Variants in FHOD3 observed in about 807,000 individuals in gnomAD.
FHOD3 encodes the protein FH1/FH2 domain-containing protein 3.
Under a neutral mutation model 173.0 loss-of-function variants are expected in FHOD3, and 90 were observed. The observed-to-expected ratio is 0.52, with a 90% CI of 0.44 to 0.62. The LOEUF is 0.62. FHOD3 is among the 20% of genes least tolerant of loss of function. The pLI, the probability that FHOD3 is intolerant of heterozygous loss-of-function variation, is 0.00. For synonymous variants in FHOD3, 828 were observed against 823.0 expected, an observed-to-expected ratio of 1.01 and a Z score of -0.10; for missense variants, 1,945 against 2,034.7, an observed-to-expected ratio of 0.96 and a Z score of 0.85.
At chr18:36,434,001 C>T (rs1426428262) in intron 3 of FHOD3, among the ~76,000 whole-genome samples, 2 of 152,178 alleles carry the variant, frequency 1.3e-5, no homozygotes, top group Non-Finnish European at 2.9e-5. Context: ...TCACTCTAGG[C>T]CCTCTCCGCT....
chr18:36,447,274 C>G (rs1395223718), intron 3 of FHOD3, among the ~76,000 whole-genome samples: 2 of 152,100 alleles, frequency 1.3e-5, no homozygotes, highest in Non-Finnish European at 2.9e-5. Flanking sequence ...ACCACATTAA[C>G]TCTGTAGGTC....
At chr18:36,514,403 C>A (rs756708016) in intron 5 of FHOD3, among the ~76,000 whole-genome samples, 1 of 152,106 alleles carries the variant, frequency 6.6e-6, no homozygotes, top group South Asian at 2.1e-4. Context: ...TGAGTGCAGG[C>A]CTGGATTCTC....
intron 4 of FHOD3, among the ~76,000 whole-genome samples, chr18:36,505,823 T>C (rs1268712290): frequency 2.0e-5 from 3 of 152,180 alleles, no homozygotes; most frequent in Non-Finnish European, 1.5e-5. Flanking sequence ...ACAGCTCCTA[T>C]GGGAAATACG....
intron 5 of FHOD3, among the ~76,000 whole-genome samples, chr18:36,563,307 C>T (rs1174638292): frequency 6.6e-6 from 1 of 152,174 alleles, no homozygotes; most frequent in Non-Finnish European, 1.5e-5. Flanking sequence ...TGTCTGAAAC[C>T]TCAGACTGCA....
At chr18:36,614,332 T>C (rs777774006) in intron 9 of FHOD3, among the ~76,000 whole-genome samples, 1 of 152,256 alleles carries the variant, frequency 6.6e-6, no homozygotes, top group African/African-American at 2.4e-5. Flanking sequence ...ATCACTACTT[T>C]GTTCATAGTT....
chr18:36,446,475 G>A (rs2051483860), intron 3 of FHOD3, among the ~76,000 whole-genome samples: 1 of 152,024 alleles, frequency 6.6e-6, no homozygotes, highest in South Asian at 2.1e-4. Flanking sequence ...TCCCAGAGAG[G>A]TCAGGCCTAA....
chr18:36,410,650 T>C (rs2049311131), intron 3 of FHOD3, among the ~76,000 whole-genome samples: 1 of 152,212 alleles, frequency 6.6e-6, no homozygotes, highest in African/African-American at 2.4e-5. Flanking sequence ...TTCTTACCAA[T>C]GTGGTAAGAA....
chr18:36,398,988 GA>G (rs1202042615), intron 3 of FHOD3, among the ~76,000 whole-genome samples: 1 of 152,118 alleles, frequency 6.6e-6, no homozygotes, highest in Non-Finnish European at 1.5e-5. Flanking sequence ...ATTCTTCTGG[GA>G]GACAGTGTGA....
At chr18:36,530,025 G>C (rs1309213301) in intron 5 of FHOD3, among the ~76,000 whole-genome samples, 5 of 151,766 alleles carry the variant, frequency 3.3e-5, no homozygotes, top group African/African-American at 9.7e-5. Context: ...TTTGGTCATG[G>C]GGGGTGGGAA....
intron 14 of FHOD3, among the ~76,000 whole-genome samples, chr18:36,672,416 C>A (rs369239539): frequency 6.6e-6 from 1 of 152,124 alleles, no homozygotes; most frequent in Admixed American, 6.5e-5. Flanking sequence ...GTCAGCCGGT[C>A]GTTGATCATC....
At chr18:36,520,438 G>A (rs1238416847) in intron 5 of FHOD3, among the ~76,000 whole-genome samples, 2 of 152,098 alleles carry the variant, frequency 1.3e-5, no homozygotes, top group African/African-American at 4.8e-5. Flanking sequence ...TGAGGTTGCT[G>A]GTATTTGACC....
intron 5 of FHOD3, among the ~76,000 whole-genome samples, chr18:36,535,316 C>A (rs1013618867): frequency 6.6e-6 from 1 of 152,154 alleles, no homozygotes; most frequent in Non-Finnish European, 1.5e-5. Flanking sequence ...CCCTGTCTGC[C>A]CCTGGAGCTG....
At chr18:36,716,381 T>G (rs1015903769) in intron 18 of FHOD3, among the ~76,000 whole-genome samples, 1 of 150,858 alleles carries the variant, frequency 6.6e-6, no homozygotes, top group African/African-American at 2.4e-5. Flanking sequence ...AAAGAAGGAG[T>G]CAGGAATGAC....
At chr18:36,477,936 G>A (rs1218916262) in intron 3 of FHOD3, among the ~76,000 whole-genome samples, 1 of 152,216 alleles carries the variant, frequency 6.6e-6, no homozygotes, top group African/African-American at 2.4e-5. Flanking sequence ...CTGCAGAGAT[G>A]TCCTGGCCCA....
At chr18:36,678,456 G>C (rs1409812475) in intron 14 of FHOD3, among the ~76,000 whole-genome samples, 3 of 138,642 alleles carry the variant, frequency 2.2e-5, no homozygotes, top group Non-Finnish European at 3.0e-5. Context: ...AGAATCACTT[G>C]AGCTCGGGAG....
chr18:36,330,317 A>G (rs1354482504), intron 1 of FHOD3, among the ~76,000 whole-genome samples: 1 of 152,240 alleles, frequency 6.6e-6, no homozygotes, highest in Non-Finnish European at 1.5e-5. Context: ...TACCCAAAGT[A>G]GCAGGAGATT....
At chr18:36,308,735 A>G (rs542985304) in intron 1 of FHOD3, among the ~76,000 whole-genome samples, 6 of 152,328 alleles carry the variant, frequency 3.9e-5, no homozygotes, top group South Asian at 4.1e-4. Context: ...CAGAGTTCCT[A>G]GGACAGGGTC....
At chr18:36,434,231 A>G (rs991291558) in intron 3 of FHOD3, among the ~76,000 whole-genome samples, 2 of 152,236 alleles carry the variant, frequency 1.3e-5, no homozygotes, top group Non-Finnish European at 1.5e-5. Flanking sequence ...ATTTTGGTCT[A>G]TAATCCAATT....
At chr18:36,350,227 G>A (rs1049893887) in intron 1 of FHOD3, among the ~76,000 whole-genome samples, 9 of 152,138 alleles carry the variant, frequency 5.9e-5, no homozygotes, top group Non-Finnish European at 8.8e-5. Flanking sequence ...TATCCCAGGC[G>A]GAGTGGCACA....
Sources: gnomAD v4.1 joint callset for allele counts (sites outside exome capture counted in the v4.1 genomes callset) on GRCh38, gnomAD v4.1.1 for gene constraint, MANE v1.5 for transcripts, NCBI Gene and HGNC (gene_info 2026-07-23, HGNC 2026-07-21) for gene names.